The following NHS variants were observed in gnomAD, a reference collection of about 807,000 sequenced individuals.
NHS encodes actin remodeling regulator NHS.
In NHS, 5 loss-of-function variants were observed where a neutral mutation model predicts 72.5. The ratio of observed to expected loss-of-function variants is 0.07; its 90% confidence interval spans 0.04 to 0.14. The LOEUF (loss-of-function observed/expected upper bound fraction) is 0.14, where lower values mean the gene tolerates loss of function less well. NHS is among the 10% of genes least tolerant of loss of function. NHS has a pLI of 1.00. For synonymous variants in NHS, 464 were observed against 547.7 expected (o/e 0.85, Z 2.13); for missense variants, 1,072 against 1,355.7 (o/e 0.79, Z 3.29).
intron 1 of NHS, among the ~76,000 whole-genome samples, chrX:17,544,264 C>T (rs1264491328): frequency 5.4e-5 from 6 of 111,986 alleles, no homozygotes; most frequent in Admixed American, 2.8e-4. Flanking sequence ...GGCTGGAAAG[C>T]GACAGAGATA....
At chrX:17,557,535 G>C (rs774484680) in intron 1 of NHS, 11 of 110,216 alleles carry the variant, frequency 1.0e-4, no homozygotes, top group Non-Finnish European at 1.7e-4. Flanking sequence ...TGCATTAGTT[G>C]TCTATCACTG....
chrX:17,554,843 C>CT (rs5901619), intron 1 of NHS, among the ~76,000 whole-genome samples: 11,438 of 109,096 alleles, frequency 0.1, 1,507 homozygotes, highest in African/African-American at 0.36. Flanking sequence ...TCTTTTTTTT[C>CT]TTTTTTTTTC....
In NHS at chrX:17,726,241, A is replaced by G; in HGVS notation, c.2135A>G (p.Asp712Gly). ...FTSTVADLLD[D>G]PNNSNTSDSE... ...TCCACTGTTGCAGACCTGCTGGATGATCCCAACAACAGCAACACAAGTGAC... is the reference window on the plus strand; with the variant it reads ...TCCACTGTTGCAGACCTGCTGGATGGTCCCAACAACAGCAACACAAGTGAC... Residue 712 changes from aspartate to glycine, a missense_variant, in exon 7 of 9, where the codon GAT becomes GGT. By Grantham distance (94) the Asp-to-Gly change is moderately conservative. Transcript: ENST00000676302. 1 of 1,212,000 alleles carries G rather than the reference A, an allele frequency of 8.3e-7. No individual in the cohort carries two copies. The highest frequency in any genetic ancestry group is 1.7e-5 in the African/African-American group (1 of 57,849).
chrX:17,448,382 G>T (rs772395553), intron 1 of NHS, among the ~76,000 whole-genome samples: 1 of 112,200 alleles, frequency 8.9e-6, no homozygotes, highest in South Asian at 3.8e-4. Flanking sequence ...TTTGTAAGAT[G>T]ATACTCTGGG....
intron 1 of NHS, among the ~76,000 whole-genome samples, chrX:17,570,494 G>A (rs1601778050): frequency 8.9e-6 from 1 of 111,860 alleles, no homozygotes. Flanking sequence ...GTATAGGAAT[G>A]CTTGTGATTT....
At chrX:17,386,920 A>G (rs2064413632) in intron 1 of NHS, among the ~76,000 whole-genome samples, 1 of 111,686 alleles carries the variant, frequency 9.0e-6, no homozygotes, top group Non-Finnish European at 1.9e-5. Flanking sequence ...TTCATTTCCA[A>G]TCAGTGGTGA....
Position 17,589,233 on chromosome X carries a change from G to A in NHS, c.566-98509G>A, listed in dbSNP as rs185211771. On this transcript the variant is annotated intron_variant, in intron 1 of 8. Transcript: ENST00000676302. ...TTACACAAGTAAGTTCTTTAGTGGTGATTTGTGAGATTTTGGTACACCCAT... is the reference window on the plus strand; with the variant it reads ...TTACACAAGTAAGTTCTTTAGTGGTAATTTGTGAGATTTTGGTACACCCAT... 3.6e-5 allele frequency among the ~76,000 whole-genome samples: 4 copies of A among 111,485 alleles called. No individual in the cohort carries two copies. In the East Asian group the frequency reaches 1.1e-3, roughly 31 times the overall value.
chrX:17,670,872 C>G (rs1353919206), intron 1 of NHS, among the ~76,000 whole-genome samples: 1 of 112,362 alleles, frequency 8.9e-6, no homozygotes, highest in African/African-American at 3.2e-5. Context: ...TACTTCCTTA[C>G]TCTTTGAGGT....
At chrX:17,559,860 A>G (rs2065403408) in intron 1 of NHS, among the ~76,000 whole-genome samples, 1 of 111,207 alleles carries the variant, frequency 9.0e-6, no homozygotes, top group African/African-American at 3.3e-5. Flanking sequence ...CTGTGAGACT[A>G]AGCTCCAGTT....
chrX:17,463,055 T>G lies in NHS; in HGVS notation c.565+86733T>G, dbSNP rs1679687709. On this transcript the variant is annotated intron_variant, in intron 1 of 8. Coordinates refer to ENST00000676302, the MANE Select transcript of NHS (RefSeq NM_001291867.2). The stretch of plus-strand genomic sequence containing the variant: ...CCAGTAGCATGAGCTGTGATGCAAA[T>G]AGCACACTGGGTTGTGCAATGTGGC... Among the ~76,000 whole-genome samples, 3 of 112,096 alleles carry G rather than the reference T, an allele frequency of 2.7e-5. No individual in the cohort carries two copies. The South Asian group carries it at 1.1e-3, about 42-fold the overall frequency.
intron 1 of NHS, among the ~76,000 whole-genome samples, chrX:17,475,151 G>T (rs1038464256): frequency 8.9e-6 from 1 of 112,075 alleles, no homozygotes; most frequent in African/African-American, 3.2e-5. Context: ...GATAGGCAAA[G>T]AGCCATTTTA....
chrX:17,519,815 C>CCATCAT (rs1169378245), intron 1 of NHS, among the ~76,000 whole-genome samples: 1 of 110,277 alleles, frequency 9.1e-6, no homozygotes. Flanking sequence ...GGTGTACCTC[C>CCATCAT]CATCATCATC....
At chrX:17,542,689 C>CAG (rs746365760) in intron 1 of NHS, among the ~76,000 whole-genome samples, 5,903 of 105,014 alleles carry the variant, frequency 0.056, 456 homozygotes, top group African/African-American at 0.19. Context: ...GTCCTGAATC[C>CAG]AGAGAGAGAG....
chrX:17,596,598 T>TA (rs1304320959), intron 1 of NHS, among the ~76,000 whole-genome samples: 1 of 112,006 alleles, frequency 8.9e-6, no homozygotes, highest in African/African-American at 3.2e-5. Flanking sequence ...AGGTTTGGCC[T>TA]ACCATGCAGA....
At chrX:17,722,540 C>G (rs1380186624) in intron 5 of NHS, among the ~76,000 whole-genome samples, 2 of 111,618 alleles carry the variant, frequency 1.8e-5, no homozygotes, top group Admixed American at 9.5e-5. Flanking sequence ...AGATTTCTCT[C>G]AAATAAAGTG....
rs200120463 is a variant in NHS, at chrX:17,597,431, T to TC, written c.566-90311_566-90310insC. Among the ~76,000 whole-genome samples the TC allele has an allele frequency of 6.8e-5, 6 of 87,773 alleles. No homozygotes were observed. The East Asian group carries it at 9.7e-4, about 14-fold the overall frequency. 76.2% of individuals were successfully genotyped at this position (87,773 alleles called of 115,157 possible). A position where few individuals can be genotyped will look rare whatever the true frequency, so the allele number is the denominator to read the frequency against. On this transcript the variant is annotated intron_variant, in intron 1 of 8. Coordinates refer to ENST00000676302, the MANE Select transcript of NHS (RefSeq NM_001291867.2). ...TGAGCCACCGCGCCTGGCTATTCTC[T>TC]TTTTTTTTTTTTTTTAAGAAAAAAC...
At chrX:17,425,564 A>AAAAAAAAAAAAAAAAAAAAAAAAAAAAAC (rs2064651827) in intron 1 of NHS, among the ~76,000 whole-genome samples, 1 of 83,983 alleles carries the variant, frequency 1.2e-5, no homozygotes, top group African/African-American at 4.5e-5. Context: ...AAAAAAAAAA[A>AAAAAAAAAAAAAAAAAAAAAAAAAAAAAC]AAAAAAAGAA....
intron 1 of NHS, among the ~76,000 whole-genome samples, chrX:17,656,341 C>A (rs1270370579): frequency 8.8e-6 from 1 of 113,445 alleles, no homozygotes; most frequent in Non-Finnish European, 1.9e-5. Context: ...GGATGCTCCG[C>A]GACTCGCAGC....
At chrX:17,411,123 A>C (rs1023251323) in intron 1 of NHS, among the ~76,000 whole-genome samples, 12 of 112,381 alleles carry the variant, frequency 1.1e-4, no homozygotes, top group African/African-American at 3.6e-4. Context: ...ACGTGGTTTC[A>C]AGTGAATGAT....
Sources: allele counts gnomAD v4.1 joint callset (sites outside exome capture counted in the v4.1 genomes callset), GRCh38; gene constraint gnomAD v4.1.1; transcripts MANE v1.5; gene names NCBI Gene and HGNC (gene_info 2026-07-23, HGNC 2026-07-21).